The following TRPM3 variants were observed in gnomAD, a reference collection of about 807,000 sequenced individuals.
The protein encoded by TRPM3 is transient receptor potential cation channel subfamily M member 3.
Under a neutral mutation model 181.2 loss-of-function variants are expected in TRPM3, and 77 were observed. The observed-to-expected ratio is 0.42, with a 90% confidence interval of 0.35 to 0.51. The LOEUF (loss-of-function observed/expected upper bound fraction) is 0.51, where lower values mean the gene tolerates loss of function less well. TRPM3 is among the 20% of genes least tolerant of loss of function. TRPM3 has a pLI of 0.01. For missense variants in TRPM3, 1,759 were observed against 2,196.7 expected, an observed-to-expected ratio of 0.80 and a Z score of 3.98; for synonymous variants, 745 against 796.4, an observed-to-expected ratio of 0.94 and a Z score of 1.09.
intron 1 of TRPM3, among the ~76,000 whole-genome samples, chr9:71,289,971 G>T (rs2085659796): frequency 6.6e-6 from 1 of 150,472 alleles, no homozygotes; most frequent in African/African-American, 2.4e-5. Context: ...TGATGTGATG[G>T]GTATCTCATT....
At position 70,991,555 on chromosome 9, in the gene TRPM3, GT is replaced by G. The variant is rs56157123; in HGVS notation, c.178-127045del. The stretch of plus-strand genomic sequence containing the variant: ...GTCTCCTTTGAAATACTATGTGTCT[GT>G]TTTTTTTTTTTTTTTTTGAGTACTA... On this transcript the variant is annotated intron_variant, in intron 1 of 25. Transcript: ENST00000677713. Among the ~76,000 whole-genome samples, 503 of 124,512 alleles carry G rather than the reference GT, an allele frequency of 4.0e-3. 1 individual carries two copies. The highest frequency in any genetic ancestry group is 9.1e-3 in the African/African-American group (304 of 33,348). The allele number at this position is 124,512 out of a possible 152,430, so 81.7% of individuals were successfully genotyped here.
At chr9:70,901,030 C>T (rs1167762282) in intron 1 of TRPM3, among the ~76,000 whole-genome samples, 1 of 152,206 alleles carries the variant, frequency 6.6e-6, no homozygotes, top group East Asian at 1.9e-4. Context: ...ATTGATTTGC[C>T]TTAACACTAT....
At chr9:70,902,049 G>T (rs978676589) in intron 1 of TRPM3, among the ~76,000 whole-genome samples, 1 of 152,196 alleles carries the variant, frequency 6.6e-6, no homozygotes, top group African/African-American at 2.4e-5. Context: ...TGGGGGTGGG[G>T]TCACATAGAA....
chr9:70,924,050 T>C (rs1473568489), intron 1 of TRPM3, among the ~76,000 whole-genome samples: 1 of 151,940 alleles, frequency 6.6e-6, no homozygotes, highest in Non-Finnish European at 1.5e-5. Flanking sequence ...GGTTCTCAAC[T>C]GAGGGCAATT....
At chr9:70,956,902 A>T (rs1295030322) in intron 1 of TRPM3, among the ~76,000 whole-genome samples, 1 of 151,556 alleles carries the variant, frequency 6.6e-6, no homozygotes, top group Non-Finnish European at 1.5e-5. Context: ...CAAAAAAAAA[A>T]TTTCTTCTAA....
chr9:70,596,595 G>C (rs1183239906), intron 21 of TRPM3, among the ~76,000 whole-genome samples: 5 of 151,954 alleles, frequency 3.3e-5, no homozygotes, highest in Admixed American at 2.6e-4. Flanking sequence ...GCCTGGCGTG[G>C]TGGCAGGTGA....
chr9:71,435,802 A>C (rs556990395), intron 1 of TRPM3, among the ~76,000 whole-genome samples: 8 of 152,190 alleles, frequency 5.3e-5, no homozygotes, highest in Non-Finnish European at 1.2e-4. Context: ...TTGACCTTAA[A>C]ATAAAGAGAT....
intron 1 of TRPM3, among the ~76,000 whole-genome samples, chr9:71,415,772 C>T (rs1361251973): frequency 6.6e-6 from 1 of 151,802 alleles, no homozygotes; most frequent in African/African-American, 2.4e-5. Flanking sequence ...TTAGTGTGGT[C>T]TCCATTTCTA....
At chr9:70,603,578 G>T in intron 19 of TRPM3, 108 bp from the exon 20 acceptor site, 1 of 1,225,048 alleles carries the variant, frequency 8.2e-7, no homozygotes, top group Non-Finnish European at 1.1e-6. Context: ...GCAGGACACA[G>T]ACTTTATGAC....
intron 1 of TRPM3, among the ~76,000 whole-genome samples, chr9:70,961,444 C>A (rs1320091952): frequency 1.3e-5 from 2 of 152,158 alleles, no homozygotes; most frequent in Non-Finnish European, 2.9e-5. Flanking sequence ...AACTCATCTT[C>A]TACCTGTCTC....
chr9:71,183,720 C>T (rs1015120261), intron 1 of TRPM3, among the ~76,000 whole-genome samples: 4 of 152,060 alleles, frequency 2.6e-5, no homozygotes, highest in African/African-American at 9.7e-5. Flanking sequence ...TAAAACTGCT[C>T]TCTGAACATA....
chr9:70,653,677 C>CAAAAAAAAAAAAAA (rs71507003), intron 9 of TRPM3, among the ~76,000 whole-genome samples: 1 of 103,148 alleles, frequency 9.7e-6, no homozygotes, highest in African/African-American at 3.2e-5. Flanking sequence ...CTTCCTGTCT[C>CAAAAAAAAAAAAAA]AAAAAAAAAA....
rs553244595 is a variant in TRPM3 at position 70,985,551 on chromosome 9, G to C, written c.178-121040C>G. Among the ~76,000 whole-genome samples the C allele has an allele frequency of 1.5e-4, 23 of 152,152 alleles. No individual in the cohort carries two copies. The South Asian group carries it at 4.8e-3, about 32-fold the overall frequency. On this transcript the variant is annotated intron_variant, in intron 1 of 25. Transcript: ENST00000677713. ...TTTTAGTTAGGTATTTATTATTTGT[G>C]GCCAAAAGCATTATAATTAAATGCT...
At chr9:71,077,185 C>T (rs2133667258) in intron 1 of TRPM3, among the ~76,000 whole-genome samples, 1 of 152,278 alleles carries the variant, frequency 6.6e-6, no homozygotes, top group South Asian at 2.1e-4. Context: ...TCTCTAACTT[C>T]CTGAATCAAA....
intron 1 of TRPM3, among the ~76,000 whole-genome samples, chr9:70,929,191 TTAAATA>T (rs1481700482): frequency 1.3e-5 from 2 of 151,938 alleles, no homozygotes; most frequent in East Asian, 1.9e-4. Flanking sequence ...GCCTCATCTC[TTAAATA>T]TAATTTTTTC....
Position 71,369,435 on chromosome 9 carries a change from A to C in TRPM3, c.183+77218T>G, listed in dbSNP as rs1270315101. 2.6e-5 allele frequency among the ~76,000 whole-genome samples: 4 copies of C among 152,222 alleles called. No individual in the cohort carries two copies. The Middle Eastern group carries it at 0.01, about 388-fold the overall frequency. ...TTAGAGATACTGAACAAAAATAGTG[A>C]CTCTAATAAACCTATATCTAGGTGT... is the stretch of plus-strand genomic sequence containing the variant. On this transcript the variant is annotated intron_variant, in intron 1 of 24. Coordinates refer to the TRPM3 transcript ENST00000357533.
rs143553915 is a variant in TRPM3, at chr9:70,890,492, G to A, written c.178-25981C>T. Among the ~76,000 whole-genome samples, 308 of 152,184 alleles carry A rather than the reference G, an allele frequency of 2.0e-3. 3 individuals carry two copies. The highest frequency in any genetic ancestry group is 7.0e-3 in the African/African-American group (289 of 41,522). On this transcript the variant is annotated intron_variant, in intron 1 of 25. Transcript: ENST00000677713. The stretch of plus-strand genomic sequence containing the variant: ...GGGGTCACTGTGAGTGGCCAGTGGA[G>A]TAGATGAAGATAGACCTCCACCAAA...
chr9:70,973,365 T>A (rs1372003484), intron 1 of TRPM3, among the ~76,000 whole-genome samples: 3 of 152,212 alleles, frequency 2.0e-5, no homozygotes, highest in African/African-American at 7.2e-5. Flanking sequence ...ATGACTCATG[T>A]AAGTATATTA....
intron 1 of TRPM3, among the ~76,000 whole-genome samples, chr9:71,433,848 T>G (rs2093993051): frequency 6.6e-6 from 1 of 152,126 alleles, no homozygotes. Context: ...GGAAATTTCC[T>G]GAATTATCAT....
Sources: gnomAD v4.1 joint callset for allele counts (sites outside exome capture counted in the v4.1 genomes callset) on GRCh38, gnomAD v4.1.1 for gene constraint, MANE v1.5 for transcripts, NCBI Gene and HGNC (gene_info 2026-07-23, HGNC 2026-07-21) for gene names.